TEX9: variants seen among roughly 807,000 people sequenced by gnomAD.
TEX9 encodes the protein testis expressed 9.
TEX9 carries 74 observed loss-of-function variants against 59.6 expected under a neutral mutation model. The observed-to-expected ratio is 1.24, with a 90% CI of 1.03 to 1.51. The LOEUF (loss-of-function observed/expected upper bound fraction) is 1.51, where lower values mean the gene tolerates loss of function less well. TEX9 is among the 40% of genes most tolerant of loss of function. The probability of loss-of-function intolerance (pLI) is 0.00; values close to 1 mark genes in which losing one functional copy is unlikely to be tolerated. For synonymous variants in TEX9, 186 were observed against 152.2 expected (o/e 1.22, Z -1.64); for missense variants, 522 against 447.8 (o/e 1.17, Z -1.49).
intron 1 of TEX9, among the ~76,000 whole-genome samples, chr15:56,358,353 T>C (rs1596113943): frequency 2.6e-5 from 4 of 151,952 alleles, no homozygotes; most frequent in East Asian, 3.9e-4. Context: ...TTTTTTTTTT[T>C]CCAGAATCTG....
chr15:56,246,911 A>G (rs763788159), intron 1 of TEX9, among the ~76,000 whole-genome samples: 4 of 152,206 alleles, frequency 2.6e-5, no homozygotes, highest in Non-Finnish European at 4.4e-5. Context: ...GAGGGTTGCT[A>G]TAAGGAAAAC....
At chr15:56,283,066 G>A (rs1421651638) in intron 1 of TEX9, among the ~76,000 whole-genome samples, 1 of 151,714 alleles carries the variant, frequency 6.6e-6, no homozygotes, top group Admixed American at 6.6e-5. Flanking sequence ...GTGTGTGTGT[G>A]TGTGTGTGTG....
At chr15:56,295,414 G>A (rs1258770582) in intron 1 of TEX9, among the ~76,000 whole-genome samples, 1 of 152,158 alleles carries the variant, frequency 6.6e-6, no homozygotes, top group African/African-American at 2.4e-5. Context: ...GTTCTAACTG[G>A]ATATACCAGC....
rs540024707 is a variant in TEX9, at chr15:56,428,511, T to G, written c.*29+38T>G. The G allele has an allele frequency of 2.5e-5, 27 of 1,098,680 alleles. No individual in the cohort carries two copies. The East Asian group carries it at 6.2e-4, about 25-fold the overall frequency. 68.1% of individuals were successfully genotyped at this position (1,098,680 alleles called of 1,614,324 possible). A position where few individuals can be genotyped will look rare whatever the true frequency, so the allele number is the denominator to read the frequency against. ...TACCCATTTTACTTATTGTAGTGGT[T>G]TGAATTATTTTTATTCTTCATAAGT... is the stretch of plus-strand genomic sequence containing the variant. On this transcript the variant is annotated intron_variant, in intron 12 of 12. Coordinates refer to ENST00000352903, the Ensembl canonical transcript of TEX9.
chr15:56,411,894 CT>C (rs763871306), intron 9 of TEX9, among the ~76,000 whole-genome samples: 1 of 152,112 alleles, frequency 6.6e-6, no homozygotes, highest in African/African-American at 2.4e-5. Context: ...AAAAGATTTA[CT>C]TTGTCAGGTA....
intron 1 of TEX9, among the ~76,000 whole-genome samples, chr15:56,344,787 ATT>A (rs2046437255): frequency 6.6e-6 from 1 of 151,970 alleles, no homozygotes; most frequent in Non-Finnish European, 1.5e-5. Context: ...TAATGAGAAA[ATT>A]TTTGTTTATT....
intron 12 of TEX9, chr15:56,443,693 T>C (rs759537721): frequency 6.2e-7 from 1 of 1,613,422 alleles, no homozygotes; most frequent in Admixed American, 1.7e-5. Flanking sequence ...TGCCATCCGA[T>C]CTTCTTCTCT....
chr15:56,439,877 A>G (rs970162502), intron 12 of TEX9, among the ~76,000 whole-genome samples: 2 of 152,048 alleles, frequency 1.3e-5, no homozygotes, highest in Admixed American at 6.6e-5. Context: ...CATGATCCAT[A>G]AAAAGAAAAA....
chr15:56,440,910 T>G (rs1490445638), intron 12 of TEX9, among the ~76,000 whole-genome samples: 1 of 152,188 alleles, frequency 6.6e-6, no homozygotes, highest in Non-Finnish European at 1.5e-5. Flanking sequence ...TTTTGGGTTA[T>G]TTCTACTTTT....
chr15:56,311,380 G>C (rs1421608908), intron 1 of TEX9, among the ~76,000 whole-genome samples: 8 of 141,610 alleles, frequency 5.6e-5, no homozygotes, highest in Non-Finnish European at 1.1e-4. Flanking sequence ...ACCTATGAGT[G>C]AGAATATGCG....
At chr15:56,311,137 T>TAA (rs1567080995) in intron 1 of TEX9, among the ~76,000 whole-genome samples, 1 of 43,618 alleles carries the variant, frequency 2.3e-5, no homozygotes, top group Non-Finnish European at 5.7e-5. Context: ...TTTTTTTTTT[T>TAA]AATTTCTTTT....
intron 7 of TEX9, 143 bp from the exon 8 acceptor site, chr15:56,394,022 A>G: frequency 1.6e-6 from 1 of 611,698 alleles, no homozygotes; most frequent in Non-Finnish European, 2.8e-6. Flanking sequence ...ACTGTTGAGT[A>G]CCTATAGTGC....
intron 5 of TEX9, among the ~76,000 whole-genome samples, chr15:56,389,019 A>G (rs1483323687): frequency 6.6e-6 from 1 of 151,990 alleles, no homozygotes; most frequent in Non-Finnish European, 1.5e-5. Context: ...GTTCATGAGG[A>G]GAACTAAATT....
intron 2 of TEX9, among the ~76,000 whole-genome samples, chr15:56,368,224 C>T (rs780787417): frequency 1.3e-5 from 2 of 151,980 alleles, no homozygotes; most frequent in African/African-American, 4.8e-5. Flanking sequence ...CTAATTAATT[C>T]AGCTGTTGGT....
chr15:56,333,485 A>AAAAC (rs1479427065), intron 1 of TEX9, among the ~76,000 whole-genome samples: 3 of 151,466 alleles, frequency 2.0e-5, no homozygotes, highest in South Asian at 2.1e-4. Context: ...GATAAAAAAA[A>AAAAC]AAAACCCTCA....
intron 1 of TEX9, among the ~76,000 whole-genome samples, chr15:56,253,823 T>G (rs2044084428): frequency 6.6e-6 from 1 of 151,668 alleles, no homozygotes; most frequent in Admixed American, 6.6e-5. Context: ...CCCACTCCCA[T>G]GAAAGAACAT....
In TEX9 at chr15:56,412,284, A is replaced by T. The variant is rs767887950; in HGVS notation, c.829-18A>T. ...ATGATATATTTATAAATGTTCCATAATCTTTTTTACTATACAGGAATTAGA... is the reference window on the plus strand; with the variant it reads ...ATGATATATTTATAAATGTTCCATATTCTTTTTTACTATACAGGAATTAGA... On this transcript the variant is annotated intron_variant, in intron 9 of 12. Coordinates refer to ENST00000352903, the Ensembl canonical transcript of TEX9. The T allele has an allele frequency of 6.3e-7, 1 of 1,581,988 alleles. No homozygotes were observed. The highest frequency in any genetic ancestry group is 8.6e-7 in the Non-Finnish European group (1 of 1,169,152).
chr15:56,428,275 AAT>A, intron 11 of TEX9, 90 bp from the exon 12 acceptor site: 2 of 856,202 alleles, frequency 2.3e-6, no homozygotes, highest in Non-Finnish European at 3.8e-6. Flanking sequence ...ATATTCTGAC[AAT>A]ATATTATCCA....
intron 1 of TEX9, among the ~76,000 whole-genome samples, chr15:56,273,984 A>G (rs759147827): frequency 3.3e-5 from 5 of 152,240 alleles, no homozygotes; most frequent in Admixed American, 2.6e-4. Flanking sequence ...CATGTCTTAC[A>G]TTATTTTGGA....
Sources: gnomAD v4.1 joint callset for allele counts (sites outside exome capture counted in the v4.1 genomes callset) on GRCh38, gnomAD v4.1.1 for gene constraint, MANE v1.5 for transcripts, NCBI Gene and HGNC (gene_info 2026-07-23, HGNC 2026-07-21) for gene names.